The following KIF5C variants were observed in gnomAD, a reference collection of about 807,000 sequenced individuals.
KIF5C encodes the protein kinesin heavy chain isoform 5C.
A neutral mutation model predicts 125.2 loss-of-function variants in KIF5C; 18 were observed. That is an observed-to-expected ratio of 0.14 (90% CI 0.10 to 0.21). KIF5C has a LOEUF of 0.21. Among genes scored for constraint, KIF5C ranks in the 10% least tolerant of loss-of-function variants. The pLI is 1.00. For synonymous variants in KIF5C, 405 were observed against 434.0 expected (o/e 0.93, Z 0.83); for missense variants, 780 against 1,183.8 (o/e 0.66, Z 5.01).
At position 149,011,563 on chromosome 2, in the gene KIF5C, G is replaced by T; in HGVS notation, c.2768-7G>T. 1 of 1,613,922 alleles carries T rather than the reference G, an allele frequency of 6.2e-7. No homozygotes were observed. Among genetic ancestry groups the T allele is most frequent in the South Asian group, 1.1e-5 (1 of 91,078 alleles). ...TGTTCTCTCTTCTTTCTGTTGGTTG[G>T]ATACAGCCAAGCCCATCCGCCCCGG... On this transcript the variant is annotated splice_polypyrimidine_tract_variant and splice_region_variant and intron_variant, in intron 24 of 25. Coordinates refer to ENST00000435030, the MANE Select transcript of KIF5C (RefSeq NM_004522.3).
chr2:148,922,094 G>A (rs758410384), intron 1 of KIF5C, 43 bp from the exon 2 acceptor site: 8 of 1,346,400 alleles, frequency 5.9e-6, no homozygotes, highest in South Asian at 2.5e-5. Flanking sequence ...AACATCTAAT[G>A]TGTTTTTTCC....
rs1681019924 is a variant in KIF5C, at chr2:148,974,859, TAG to T, written c.1293+1350_1293+1351del. Among the ~76,000 whole-genome samples, 5 of 152,328 alleles carry T rather than the reference TAG, an allele frequency of 3.3e-5. No homozygotes were observed. The South Asian group carries it at 1.0e-3, about 32-fold the overall frequency. On this transcript the variant is annotated intron_variant, in intron 12 of 25. Coordinates refer to ENST00000435030, the MANE Select transcript of KIF5C (RefSeq NM_004522.3). ...GTTTCTGTGCTCAGTTCTCTATGAA[TAG>T]ACGCCTGCATGGCGGAATCGGGATC...
intron 4 of KIF5C, among the ~76,000 whole-genome samples, chr2:148,938,109 G>A (rs988941335): frequency 2.6e-5 from 4 of 152,186 alleles, no homozygotes; most frequent in Non-Finnish European, 5.9e-5. Context: ...AAATTTGATA[G>A]TAGGGTATAT....
chr2:148,912,824 T>A (rs1681394232), intron 1 of KIF5C, among the ~76,000 whole-genome samples: 1 of 152,188 alleles, frequency 6.6e-6, no homozygotes, highest in African/African-American at 2.4e-5. Context: ...GGGTCAAATG[T>A]CCCTTCTCCT....
chr2:149,007,566 G>A (rs1268263828), intron 22 of KIF5C, among the ~76,000 whole-genome samples: 4 of 152,208 alleles, frequency 2.6e-5, no homozygotes, highest in African/African-American at 9.7e-5. Flanking sequence ...GTCCCACCAT[G>A]ATGGCTGAAA....
intron 12 of KIF5C, among the ~76,000 whole-genome samples, chr2:148,975,133 A>G (rs1011931664): frequency 1.3e-5 from 2 of 152,088 alleles, no homozygotes; most frequent in East Asian, 1.9e-4. Flanking sequence ...GTTGGAGGCT[A>G]GTATTTGTGG....
intron 15 of KIF5C, among the ~76,000 whole-genome samples, chr2:148,989,581 G>A (rs1681472315): frequency 2.0e-5 from 3 of 152,174 alleles, no homozygotes; most frequent in Admixed American, 2.0e-4. Context: ...CATAGTGGTT[G>A]TACTAGTTTA....
chr2:148,884,918 G>T (rs6751459), intron 1 of KIF5C, among the ~76,000 whole-genome samples: 1 of 151,890 alleles, frequency 6.6e-6, no homozygotes, highest in African/African-American at 2.4e-5. Flanking sequence ...GGGCCATCAG[G>T]GCTAAGCAAG....
intron 15 of KIF5C, among the ~76,000 whole-genome samples, chr2:148,990,724 CTT>C (rs1681502708): frequency 6.6e-6 from 1 of 152,278 alleles, no homozygotes; most frequent in East Asian, 1.9e-4. Context: ...TTTTAAAAAT[CTT>C]CAGTGTTTCT....
At chr2:148,968,705 A>G (rs542829661) in intron 11 of KIF5C, among the ~76,000 whole-genome samples, 2 of 152,262 alleles carry the variant, frequency 1.3e-5, no homozygotes, top group South Asian at 4.1e-4. Context: ...AGCTGCTTAC[A>G]GTGTTTTTAG....
At chr2:148,929,867 T>G (rs1682133513) in intron 3 of KIF5C, among the ~76,000 whole-genome samples, 1 of 152,170 alleles carries the variant, frequency 6.6e-6, no homozygotes, top group Admixed American at 6.6e-5. Context: ...TTTCACACAA[T>G]TCAAATTTTC....
chr2:148,915,258 G>T (rs72866029), intron 1 of KIF5C, among the ~76,000 whole-genome samples: 1 of 152,152 alleles, frequency 6.6e-6, no homozygotes, highest in Non-Finnish European at 1.5e-5. Context: ...CCCTCCTCTA[G>T]CATCCCTGGG....
chr2:148,948,900 T>A (rs1682589506), intron 8 of KIF5C, among the ~76,000 whole-genome samples: 1 of 152,240 alleles, frequency 6.6e-6, no homozygotes, highest in Non-Finnish European at 1.5e-5. Flanking sequence ...TAAGCAGGGG[T>A]ACCACACAAA....
rs1163606675 is a variant in KIF5C, at chr2:148,924,682, T to G, written c.217+2455T>G. Among the ~76,000 whole-genome samples, 1 of 152,192 alleles carries G rather than the reference T, an allele frequency of 6.6e-6. No homozygotes were observed. Among genetic ancestry groups the G allele is most frequent in the East Asian group, 1.9e-4 (1 of 5,186 alleles). On this transcript the variant is annotated intron_variant, in intron 2 of 25. Coordinates refer to ENST00000435030, the MANE Select transcript of KIF5C (RefSeq NM_004522.3). This position sits in a 1 kb window ranked among gnomAD's most constrained non-coding sequence, Gnocchi z 4.0. ...AAGGCTCCTTTGGACGCCTAGGAAT[T>G]AAACACCATGGTAACTGGATGCTAT...
chr2:149,015,484 G>A (rs1360509167), intron 25 of KIF5C, among the ~76,000 whole-genome samples: 1 of 152,132 alleles, frequency 6.6e-6, no homozygotes, highest in African/African-American at 2.4e-5. Flanking sequence ...CCCTCCTGTG[G>A]AGTCAAAGCA....
At chr2:148,961,748 T>G (rs1682933017) in intron 10 of KIF5C, among the ~76,000 whole-genome samples, 1 of 152,170 alleles carries the variant, frequency 6.6e-6, no homozygotes, top group African/African-American at 2.4e-5. Flanking sequence ...TCATTAGATT[T>G]AGAGACCAGT....
At chr2:148,958,141 A>G (rs2105125349) in intron 10 of KIF5C, among the ~76,000 whole-genome samples, 1 of 152,310 alleles carries the variant, frequency 6.6e-6, no homozygotes, top group East Asian at 1.9e-4. Context: ...TGGGGTGATT[A>G]TAAATAAAGT....
chr2:148,968,689 G>A (rs1680812054), intron 11 of KIF5C, among the ~76,000 whole-genome samples: 1 of 152,096 alleles, frequency 6.6e-6, no homozygotes, highest in Non-Finnish European at 1.5e-5. Flanking sequence ...ATTAGAGGAT[G>A]TTTTAAGCTG....
At chr2:148,937,974 GA>G (rs1459479774) in intron 4 of KIF5C, among the ~76,000 whole-genome samples, 1 of 152,166 alleles carries the variant, frequency 6.6e-6, no homozygotes, top group Non-Finnish European at 1.5e-5. Flanking sequence ...TTGGGAAGAG[GA>G]ATTCTCTTCC....
Sources: gnomAD v4.1 joint callset for allele counts (sites outside exome capture counted in the v4.1 genomes callset) on GRCh38, gnomAD v4.1.1 for gene constraint, Gnocchi (gnomAD v3.1) non-coding constraint, MANE v1.5 for transcripts, NCBI Gene and HGNC (gene_info 2026-07-23, HGNC 2026-07-21) for gene names.